The following GRM8 variants were observed in gnomAD, a reference collection of about 807,000 sequenced individuals.
The protein encoded by GRM8 is glutamate metabotropic receptor 8.
In GRM8, 47 loss-of-function variants were observed where a neutral mutation model predicts 87.2. The observed-to-expected ratio is 0.54, with a 90% confidence interval of 0.43 to 0.69. The LOEUF (loss-of-function observed/expected upper bound fraction) is 0.69, where lower values mean the gene tolerates loss of function less well. Among genes scored for constraint, GRM8 ranks in the 30% least tolerant of loss-of-function variants. The probability of loss-of-function intolerance (pLI) is 0.00; values close to 1 mark genes in which losing one functional copy is unlikely to be tolerated. For synonymous variants in GRM8, 396 were observed against 404.5 expected, an observed-to-expected ratio of 0.98 and a Z score of 0.25; for missense variants, 1,019 against 1,139.2, an observed-to-expected ratio of 0.89 and a Z score of 1.52.
At chr7:126,770,873 TG>T (rs1818773044) in intron 6 of GRM8, among the ~76,000 whole-genome samples, 2 of 151,974 alleles carry the variant, frequency 1.3e-5, no homozygotes, top group African/African-American at 4.8e-5. Flanking sequence ...ATGGGGTACA[TG>T]GGGTACATAG....
chr7:126,530,284 A>G (rs888412647), intron 9 of GRM8, among the ~76,000 whole-genome samples: 1 of 152,244 alleles, frequency 6.6e-6, no homozygotes, highest in South Asian at 2.1e-4. Context: ...TGCATACTGG[A>G]AGACATTTTG....
At chr7:126,473,957 C>T (rs1805600450) in intron 9 of GRM8, among the ~76,000 whole-genome samples, 1 of 152,104 alleles carries the variant, frequency 6.6e-6, no homozygotes, top group Non-Finnish European at 1.5e-5. Flanking sequence ...CCATGTGGAA[C>T]TATGAATCCA....
At chr7:127,191,950 T>A (rs547433939) in intron 2 of GRM8, among the ~76,000 whole-genome samples, 1 of 152,338 alleles carries the variant, frequency 6.6e-6, no homozygotes, top group Non-Finnish European at 1.5e-5. Flanking sequence ...CTATCTTCCA[T>A]GCTCTGTTAA....
chr7:126,703,294 T>C (rs569325184), intron 7 of GRM8, among the ~76,000 whole-genome samples: 1 of 152,304 alleles, frequency 6.6e-6, no homozygotes, highest in East Asian at 1.9e-4. Context: ...CTGTAATTCA[T>C]TAAAACAGAG....
rs538985132 is a variant in GRM8 at position 126,985,387 on chromosome 7, A to G, written c.728-80704T>C. 3.3e-5 allele frequency among the ~76,000 whole-genome samples: 5 copies of G among 152,324 alleles called. No homozygotes were observed. In the South Asian group the frequency reaches 1.0e-3, roughly 32 times the overall value. On this transcript the variant is annotated intron_variant, in intron 3 of 10. Transcript: ENST00000339582. ...ACAGAATGATAAAAAATAAAAAGAGAAAACTCATTAATTTATTATGATCTC... is the reference window on the plus strand; with the variant it reads ...ACAGAATGATAAAAAATAAAAAGAGGAAACTCATTAATTTATTATGATCTC...
chr7:126,544,901 C>T (rs766709009), intron 8 of GRM8, among the ~76,000 whole-genome samples: 18 of 152,270 alleles, frequency 1.2e-4, no homozygotes, highest in East Asian at 1.2e-3. Context: ...AAGATATCCA[C>T]GCTCTACCCA....
At chr7:127,152,660 C>G (rs561565665) in intron 2 of GRM8, among the ~76,000 whole-genome samples, 43 of 152,180 alleles carry the variant, frequency 2.8e-4, no homozygotes, top group African/African-American at 9.6e-4. Flanking sequence ...GGTGACTCTT[C>G]CTTTGCCAAT....
chr7:126,562,294 A>T (rs1585059785), intron 8 of GRM8, among the ~76,000 whole-genome samples: 1 of 152,206 alleles, frequency 6.6e-6, no homozygotes, highest in African/African-American at 2.4e-5. Flanking sequence ...CTTGCATCAA[A>T]GGCATCACCA....
At chr7:127,152,181 T>C (rs1216515161) in intron 2 of GRM8, among the ~76,000 whole-genome samples, 1 of 152,086 alleles carries the variant, frequency 6.6e-6, no homozygotes, top group Non-Finnish European at 1.5e-5. Context: ...TCAGGCCTAG[T>C]TCCCATGTGA....
intron 9 of GRM8, among the ~76,000 whole-genome samples, chr7:126,521,088 T>A (rs937186552): frequency 1.3e-5 from 2 of 152,112 alleles, no homozygotes; most frequent in Admixed American, 6.6e-5. Flanking sequence ...CAATTCAATT[T>A]GAGTAGATGA....
intron 9 of GRM8, among the ~76,000 whole-genome samples, chr7:126,518,959 T>C (rs553814858): frequency 6.6e-6 from 1 of 152,254 alleles, no homozygotes; most frequent in South Asian, 2.1e-4. Context: ...ATTTCTTGTC[T>C]ACCAGGCCAA....
rs143233740 is a variant in GRM8 at position 126,506,222 on chromosome 7, C to T, written c.2430+26730G>A. 9.8e-3 allele frequency among the ~76,000 whole-genome samples: 1,492 copies of T among 152,038 alleles called. 21 individuals carry two copies. The highest frequency in any genetic ancestry group is 0.034 in the African/African-American group (1,392 of 41,498). On this transcript the variant is annotated intron_variant, in intron 9 of 10. Coordinates refer to ENST00000339582, the MANE Select transcript of GRM8 (RefSeq NM_000845.3). ...TCCACTGCGTATATGTGTATACACA[C>T]GTATGATTGTGTGTGTGTGTGTAGA...
At chr7:126,632,279 G>C (rs1264653783) in intron 7 of GRM8, among the ~76,000 whole-genome samples, 1 of 151,978 alleles carries the variant, frequency 6.6e-6, no homozygotes, top group Non-Finnish European at 1.5e-5. Flanking sequence ...ACATATGAAA[G>C]AAAGCTCAAC....
chr7:126,633,235 A>T (rs997984075), intron 7 of GRM8, among the ~76,000 whole-genome samples: 10 of 152,120 alleles, frequency 6.6e-5, no homozygotes, highest in African/African-American at 2.2e-4. Context: ...AATGTGGAAG[A>T]GCCTAGTTCC....
At chr7:126,939,812 A>G (rs1212490186) in intron 3 of GRM8, among the ~76,000 whole-genome samples, 1 of 152,228 alleles carries the variant, frequency 6.6e-6, no homozygotes, top group Non-Finnish European at 1.5e-5. Context: ...TGTGAAGTCA[A>G]ATAGCTTGCA....
intron 2 of GRM8, among the ~76,000 whole-genome samples, chr7:127,128,046 T>C (rs1195330757): frequency 6.6e-6 from 1 of 152,120 alleles, no homozygotes; most frequent in Non-Finnish European, 1.5e-5. Context: ...TCTTGTGACA[T>C]CTCAGCAGGC....
At chr7:126,836,654 T>A (rs1301931676) in intron 6 of GRM8, among the ~76,000 whole-genome samples, 2 of 152,210 alleles carry the variant, frequency 1.3e-5, no homozygotes, top group Admixed American at 6.5e-5. Context: ...CTTTCAGGTC[T>A]CAGACTGCAT....
At chr7:126,752,081 T>C (rs946897628) in intron 7 of GRM8, among the ~76,000 whole-genome samples, 18 of 152,302 alleles carry the variant, frequency 1.2e-4, no homozygotes, top group Admixed American at 3.3e-4. Context: ...AGGAATTCAA[T>C]GATGAGATCA....
At chr7:127,159,401 T>C (rs552070551) in intron 2 of GRM8, among the ~76,000 whole-genome samples, 2 of 152,266 alleles carry the variant, frequency 1.3e-5, no homozygotes, top group South Asian at 4.1e-4. Context: ...TTACATAGAA[T>C]GTCAGGAGAA....
Sources: gnomAD v4.1 joint callset for allele counts (sites outside exome capture counted in the v4.1 genomes callset) on GRCh38, gnomAD v4.1.1 for gene constraint, MANE v1.5 for transcripts, NCBI Gene and HGNC (gene_info 2026-07-23, HGNC 2026-07-21) for gene names.